Variants in SYNPR observed in about 807,000 individuals in gnomAD.
SYNPR encodes the protein synaptoporin.
In SYNPR, 23 loss-of-function variants were observed where a neutral mutation model predicts 32.9. The ratio of observed to expected loss-of-function variants is 0.70; its 90% CI spans 0.50 to 0.99. The LOEUF (loss-of-function observed/expected upper bound fraction) is 0.99. SYNPR is among the 50% of genes least tolerant of loss of function. The pLI is 0.00. For synonymous variants in SYNPR, 146 were observed against 135.9 expected (o/e 1.07, Z -0.52); for missense variants, 318 against 349.3 (o/e 0.91, Z 0.71).
chr3:63,367,600 C>G (rs2087742988), intron 2 of SYNPR, among the ~76,000 whole-genome samples: 1 of 152,022 alleles, frequency 6.6e-6, no homozygotes, highest in Non-Finnish European at 1.5e-5. Flanking sequence ...AGGTGATCTG[C>G]CTGCCTCGGC....
intron 1 of SYNPR, among the ~76,000 whole-genome samples, chr3:63,239,762 C>T (rs1287289436): frequency 3.3e-5 from 5 of 151,752 alleles, no homozygotes; most frequent in Admixed American, 3.3e-4. Context: ...GTATCATACC[C>T]TCATCCTACC....
intron 2 of SYNPR, among the ~76,000 whole-genome samples, chr3:63,318,496 G>A (rs1319503326): frequency 6.6e-6 from 1 of 151,796 alleles, no homozygotes; most frequent in Admixed American, 6.6e-5. Context: ...TTAATTCAAA[G>A]ACCTTGTCTT....
At chr3:63,272,143 T>A (rs1444390193) in intron 3 of SYNPR, among the ~76,000 whole-genome samples, 1 of 152,224 alleles carries the variant, frequency 6.6e-6, no homozygotes, top group Non-Finnish European at 1.5e-5. Context: ...TTTCTTAGAC[T>A]TTTAGTAGAT....
chr3:63,516,285 C>G (rs2106763284), intron 3 of SYNPR, among the ~76,000 whole-genome samples: 1 of 152,174 alleles, frequency 6.6e-6, no homozygotes, highest in East Asian at 1.9e-4. Context: ...GCAACTCACA[C>G]TGGATCAATC....
At position 63,615,827 on chromosome 3, in the gene SYNPR, TGA is replaced by T. The variant is rs1210038895; in HGVS notation, c.*348_*349del. 5.7e-5 allele frequency: 10 copies of T among 175,260 alleles called. No homozygotes were observed. Among genetic ancestry groups the T allele is most frequent in the Admixed American group, 4.2e-4 (7 of 16,842 alleles). 10.9% of individuals were successfully genotyped at this position (175,260 alleles called of 1,614,324 possible). A position where few individuals can be genotyped will look rare whatever the true frequency, so the allele number is the denominator to read the frequency against. On this transcript the variant is annotated 3_prime_UTR_variant, in exon 6 of 6. Transcript: ENST00000478300. ...ATGCATAAAGTAAATCAAATAGCGT[TGA>T]GTTTTCTTATGCATTTTGATGTGAA...
intron 2 of SYNPR, among the ~76,000 whole-genome samples, chr3:63,289,864 C>T (rs2086721465): frequency 6.6e-6 from 1 of 152,186 alleles, no homozygotes; most frequent in African/African-American, 2.4e-5. Flanking sequence ...GGCGCGGTGT[C>T]TCACGCCTGT....
chr3:63,282,684 G>GAAAAAAAAAAAAAAAAAAAAA (rs34234414), intron 2 of SYNPR, among the ~76,000 whole-genome samples: 1 of 115,922 alleles, frequency 8.6e-6, no homozygotes, highest in African/African-American at 3.7e-5. Flanking sequence ...CACTGTCTCA[G>GAAAAAAAAAAAAAAAAAAAAA]AAAAAAAAAA....
At chr3:63,552,713 A>G (rs1366244861) in intron 3 of SYNPR, among the ~76,000 whole-genome samples, 3 of 152,158 alleles carry the variant, frequency 2.0e-5, no homozygotes, top group African/African-American at 7.2e-5. Context: ...TTAAAAATAT[A>G]TATATCCTAG....
At chr3:63,384,723 CTG>C (rs2088019058) in intron 2 of SYNPR, among the ~76,000 whole-genome samples, 1 of 152,120 alleles carries the variant, frequency 6.6e-6, no homozygotes, top group South Asian at 2.1e-4. Flanking sequence ...GTGTGTGGGA[CTG>C]TGTTAAATGC....
intron 3 of SYNPR, 86 bp from the exon 4 acceptor site, chr3:63,556,457 A>G: frequency 1.6e-6 from 2 of 1,238,616 alleles, no homozygotes; most frequent in Admixed American, 2.6e-5. Context: ...ATCACATCCC[A>G]TTTTGCTTTA....
At chr3:63,222,470 G>A in the SYNPR span, among the ~76,000 whole-genome samples, 2 of 152,054 alleles carry the variant, frequency 1.3e-5, no homozygotes, top group African/African-American at 4.8e-5. Flanking sequence ...GCTTAAGAGA[G>A]GATAGTACCA....
intron 4 of SYNPR, among the ~76,000 whole-genome samples, chr3:63,577,533 C>T (rs771050677): frequency 1.9e-4 from 29 of 151,910 alleles, no homozygotes; most frequent in Non-Finnish European, 3.5e-4. Context: ...CTTCTAGGGG[C>T]AAATACAGTG....
chr3:63,233,876 C>G (rs1434651037), intron 1 of SYNPR, among the ~76,000 whole-genome samples: 2 of 152,258 alleles, frequency 1.3e-5, no homozygotes, highest in East Asian at 3.9e-4. Flanking sequence ...CAATTATATG[C>G]CTGACCCAAA....
chr3:63,302,278 A>C (rs749756003), intron 2 of SYNPR, among the ~76,000 whole-genome samples: 1 of 152,064 alleles, frequency 6.6e-6, no homozygotes, highest in Non-Finnish European at 1.5e-5. Context: ...TAGGCTTTAC[A>C]GCAGGGATCC....
intron 2 of SYNPR, among the ~76,000 whole-genome samples, chr3:63,349,237 A>G (rs7652060): frequency 0.76 from 114,969 of 151,968 alleles, 44,381 homozygotes; most frequent in Non-Finnish European, 0.83. Context: ...TGAGTAGCTG[A>G]GATTACAGGC....
chr3:63,279,849 T>C (rs57550769), intron 2 of SYNPR, among the ~76,000 whole-genome samples: 6,115 of 152,250 alleles, frequency 0.04, 388 homozygotes, highest in African/African-American at 0.14. Flanking sequence ...TGAATGAAAA[T>C]GTATGCGTAT....
At chr3:63,254,394 A>G (rs1560169385) in intron 2 of SYNPR, among the ~76,000 whole-genome samples, 1 of 152,230 alleles carries the variant, frequency 6.6e-6, no homozygotes, top group Non-Finnish European at 1.5e-5. Flanking sequence ...ATCTACTAGT[A>G]CGTCGTGAGA....
intron 4 of SYNPR, among the ~76,000 whole-genome samples, chr3:63,591,306 A>G (rs1699818721): frequency 7.9e-6 from 1 of 126,722 alleles, no homozygotes; most frequent in Admixed American, 7.4e-5. Flanking sequence ...GTCAGGAAAC[A>G]ACAGGTGCTG....
chr3:63,262,027 T>TAA (rs5849542), intron 2 of SYNPR, among the ~76,000 whole-genome samples: 7 of 149,094 alleles, frequency 4.7e-5, no homozygotes, highest in African/African-American at 1.7e-4. Flanking sequence ...TTAAGTATAA[T>TAA]AAAAAAAAAA....
Sources: gnomAD v4.1 joint callset for allele counts (sites outside exome capture counted in the v4.1 genomes callset) on GRCh38, gnomAD v4.1.1 for gene constraint, MANE v1.5 for transcripts, NCBI Gene and HGNC (gene_info 2026-07-23, HGNC 2026-07-21) for gene names.